Variants in PTPN22 observed in about 807,000 individuals in gnomAD.
PTPN22 encodes protein tyrosine phosphatase non-receptor type 22, also known as tyrosine-protein phosphatase non-receptor type 22.
A neutral mutation model predicts 103.3 loss-of-function variants in PTPN22; 85 were observed. The ratio of observed to expected loss-of-function variants is 0.82; its 90% CI spans 0.69 to 0.99. PTPN22 has a LOEUF of 0.99. PTPN22 is among the 50% of genes least tolerant of loss of function. The pLI, the probability that PTPN22 is intolerant of heterozygous loss-of-function variation, is 0.00. For missense variants in PTPN22, 865 were observed against 936.9 expected (o/e 0.92, Z 1.00); for synonymous variants, 323 against 310.2 (o/e 1.04, Z -0.43).
chr1:113,828,077 T>G (rs1662243331), intron 18 of PTPN22, among the ~76,000 whole-genome samples: 1 of 152,214 alleles, frequency 6.6e-6, no homozygotes, highest in Non-Finnish European at 1.5e-5. Context: ...ATCACCTATT[T>G]TTGCCCATTT....
intron 20 of PTPN22, among the ~76,000 whole-genome samples, chr1:113,817,094 G>A (rs1338496753): frequency 6.6e-6 from 1 of 152,130 alleles, no homozygotes; most frequent in Non-Finnish European, 1.5e-5. Flanking sequence ...CTTCCGAGTG[G>A]CAAGAAAGAA....
intron 20 of PTPN22, among the ~76,000 whole-genome samples, chr1:113,818,268 G>A (rs1483442116): frequency 6.6e-6 from 1 of 151,958 alleles, no homozygotes; most frequent in East Asian, 1.9e-4. Context: ...TGGTTCAAGC[G>A]ATTCTCCTGC....
At chr1:113,860,198 G>A (rs1281311683) in intron 1 of PTPN22, among the ~76,000 whole-genome samples, 1 of 152,078 alleles carries the variant, frequency 6.6e-6, no homozygotes, top group Non-Finnish European at 1.5e-5. Context: ...GCCCAGGCTG[G>A]TCTCAAACTC....
chr1:113,854,784 CT>C, intron 8 of PTPN22, 122 bp downstream of exon 8: 1 of 1,271,302 alleles, frequency 7.9e-7, no homozygotes, highest in Non-Finnish European at 1.1e-6. Context: ...GAATTTAATG[CT>C]TAGGTTGAAT....
At chr1:113,860,072 C>G (rs921708965) in intron 1 of PTPN22, among the ~76,000 whole-genome samples, 1 of 150,480 alleles carries the variant, frequency 6.6e-6, no homozygotes, top group African/African-American at 2.4e-5. Context: ...GGTGATTCTT[C>G]CACCTCAGCC....
intron 20 of PTPN22, among the ~76,000 whole-genome samples, chr1:113,816,349 AC>A (rs1661146937): frequency 6.7e-6 from 1 of 149,724 alleles, no homozygotes; most frequent in Non-Finnish European, 1.5e-5. Flanking sequence ...GGTGGCTTGC[AC>A]CTCTGGTCCC....
intron 16 of PTPN22, 58 bp downstream of exon 16, chr1:113,833,053 C>G: frequency 6.8e-7 from 1 of 1,470,572 alleles, no homozygotes; most frequent in Non-Finnish European, 9.4e-7. Context: ...CTAAACTTAA[C>G]GAACCATTCT....
intron 15 of PTPN22, among the ~76,000 whole-genome samples, chr1:113,833,393 A>C (rs1662722463): frequency 6.6e-6 from 1 of 152,196 alleles, no homozygotes; most frequent in Admixed American, 6.5e-5. Flanking sequence ...GTCCCACCTG[A>C]AACATTTCCC....
intron 16 of PTPN22, among the ~76,000 whole-genome samples, chr1:113,832,422 C>T (rs761219568): frequency 6.6e-6 from 1 of 152,184 alleles, no homozygotes; most frequent in Non-Finnish European, 1.5e-5. Flanking sequence ...TCGTGATCCG[C>T]CAGCTTTGGC....
chr1:113,830,639 T>G (rs546658614), intron 16 of PTPN22, among the ~76,000 whole-genome samples: 2 of 152,250 alleles, frequency 1.3e-5, no homozygotes, highest in South Asian at 4.1e-4. Context: ...ACAGTCTGGA[T>G]ATTAGTTACT....
rs1259421956 is a variant in PTPN22, at chr1:113,857,518, T to G, written c.408+220A>C. On this transcript the variant is annotated intron_variant, in intron 5 of 20. Coordinates refer to ENST00000359785, the Ensembl canonical transcript of PTPN22. Reference sequence around the variant, plus strand: ...GTTAATCTTAAAAGCATACCTTGTTTTTAACTGTAAAACATAGGGTCTACT... The same window carrying G: ...GTTAATCTTAAAAGCATACCTTGTTGTTAACTGTAAAACATAGGGTCTACT... 56 of 454,006 alleles carry G rather than the reference T, an allele frequency of 1.2e-4. 1 individual carries two copies. In the South Asian group the frequency reaches 1.6e-3, roughly 13 times the overall value. The allele number at this position is 454,006 out of a possible 1,614,324, so 28.1% of individuals were successfully genotyped here.
intron 13 of PTPN22, among the ~76,000 whole-genome samples, chr1:113,835,512 C>T (rs1039265348): frequency 1.3e-5 from 2 of 151,758 alleles, no homozygotes; most frequent in South Asian, 2.1e-4. Context: ...CAGGACACTC[C>T]GTCTCAAAAA....
chr1:113,817,822 T>G (rs569360385), intron 20 of PTPN22, among the ~76,000 whole-genome samples: 1 of 152,268 alleles, frequency 6.6e-6, no homozygotes. Context: ...TTTATCCTCA[T>G]ATTAGATTAT....
intron 19 of PTPN22, among the ~76,000 whole-genome samples, chr1:113,821,259 G>A (rs578005087): frequency 8.6e-5 from 13 of 152,030 alleles, no homozygotes; most frequent in African/African-American, 2.9e-4. Flanking sequence ...ATATATCAGA[G>A]GAAACTGCTA....
Position 113,856,356 on chromosome 1 carries a change from G to C in PTPN22, c.540+26C>G, listed in dbSNP as rs201486808. 8 of 1,541,162 alleles carry C rather than the reference G, an allele frequency of 5.2e-6. No individual in the cohort carries two copies. The African/African-American group carries it at 1.1e-4, about 21-fold the overall frequency. Reference sequence around the variant, plus strand: ...TTGCCTGATCTCTATAGGCTTTTGAGTTTATCATTCTTATTTTATACTTAC... The same window carrying C: ...TTGCCTGATCTCTATAGGCTTTTGACTTTATCATTCTTATTTTATACTTAC... On this transcript the variant is annotated intron_variant, in intron 7 of 20. Transcript: ENST00000359785.
chr1:113,847,759 A>C (rs1245742401), intron 11 of PTPN22, among the ~76,000 whole-genome samples: 3 of 151,404 alleles, frequency 2.0e-5, no homozygotes, highest in African/African-American at 4.9e-5. Context: ...TTGTATTTTT[A>C]GTAGAGATGG....
At chr1:113,850,319 G>T (rs1375225943) in intron 10 of PTPN22, among the ~76,000 whole-genome samples, 1 of 152,092 alleles carries the variant, frequency 6.6e-6, no homozygotes, top group East Asian at 1.9e-4. Context: ...CTCTCATCTG[G>T]TTACAGTGCC....
chr1:113,832,756 A>G (rs1029548238), intron 16 of PTPN22, among the ~76,000 whole-genome samples: 10 of 152,250 alleles, frequency 6.6e-5, no homozygotes, highest in African/African-American at 2.4e-4. Context: ...CAAGTACTGG[A>G]GAGGCAACAG....
At chr1:113,817,621 T>C (rs1661268557) in intron 20 of PTPN22, among the ~76,000 whole-genome samples, 1 of 151,844 alleles carries the variant, frequency 6.6e-6, no homozygotes, top group African/African-American at 2.4e-5. Context: ...AAAAAAAACA[T>C]TTTTTTGTAG....
Sources: gnomAD v4.1 joint callset for allele counts (sites outside exome capture counted in the v4.1 genomes callset) on GRCh38, gnomAD v4.1.1 for gene constraint, MANE v1.5 for transcripts, NCBI Gene and HGNC (gene_info 2026-07-23, HGNC 2026-07-21) for gene names.